Variants in EPB41L4A observed in about 807,000 individuals in gnomAD.
EPB41L4A encodes band 4.1-like protein 4A.
In EPB41L4A, 100 loss-of-function variants were observed where a neutral mutation model predicts 108.6. That is an observed-to-expected ratio of 0.92 (90% CI 0.78 to 1.09). The LOEUF is 1.09. Among genes scored for constraint, EPB41L4A ranks in the 50% least tolerant of loss-of-function variants. The pLI, the probability that EPB41L4A is intolerant of heterozygous loss-of-function variation, is 0.00. For missense variants in EPB41L4A, 1,030 were observed against 842.7 expected (o/e 1.22, Z -2.75); for synonymous variants, 319 against 289.0 (o/e 1.10, Z -1.05).
chr5:112,296,990 T>TATAC (rs753444714), intron 2 of EPB41L4A, among the ~76,000 whole-genome samples: 1 of 148,766 alleles, frequency 6.7e-6, no homozygotes, highest in Non-Finnish European at 1.5e-5. Context: ...TATACATACA[T>TATAC]ACACACACAC....
chr5:112,372,048 T>C (rs914160276), intron 1 of EPB41L4A, among the ~76,000 whole-genome samples: 2 of 151,884 alleles, frequency 1.3e-5, no homozygotes, highest in Admixed American at 1.3e-4. Flanking sequence ...AAAAAGACAA[T>C]AAAGAAGTAA....
chr5:112,415,865 A>G (rs1762684910), intron 1 of EPB41L4A, among the ~76,000 whole-genome samples: 1 of 152,192 alleles, frequency 6.6e-6, no homozygotes, highest in Non-Finnish European at 1.5e-5. Context: ...GAACTGCATG[A>G]ATAAGACTTT....
chr5:112,340,898 C>T (rs1757273737), intron 1 of EPB41L4A, among the ~76,000 whole-genome samples: 1 of 152,158 alleles, frequency 6.6e-6, no homozygotes, highest in African/African-American at 2.4e-5. Context: ...ATATACCCTT[C>T]GACCTTTCCA....
At chr5:112,206,364 TAA>T (rs796960768) in intron 13 of EPB41L4A, among the ~76,000 whole-genome samples, 5 of 141,614 alleles carry the variant, frequency 3.5e-5, no homozygotes, top group Admixed American at 7.1e-5. Flanking sequence ...GACGAGGTAT[TAA>T]AAAAAAAAAA....
intron 2 of EPB41L4A, among the ~76,000 whole-genome samples, chr5:112,285,896 C>A (rs1753248971): frequency 6.6e-6 from 1 of 152,034 alleles, no homozygotes; most frequent in Non-Finnish European, 1.5e-5. Context: ...TTATAATTAC[C>A]ATTTTATAAA....
In EPB41L4A at chr5:112,147,641, A is replaced by G. The variant is rs199570790; in HGVS notation, n.995-1643T>C. On this transcript the variant is annotated intron_variant and non_coding_transcript_variant, in intron 12 of 13. Transcript: ENST00000507810. ...CAACAGAACGAGACTCTGTCTCAAG[A>G]AAAAAAAAAAAAAGATTAGCAAATC... Among the ~76,000 whole-genome samples, 84 of 126,718 alleles carry G rather than the reference A, an allele frequency of 6.6e-4. 2 individuals carry two copies. The East Asian group carries it at 0.017, about 26-fold the overall frequency. The allele number at this position is 126,718 out of a possible 152,430, so 83.1% of individuals were successfully genotyped here.
At chr5:112,290,495 G>A (rs1753575823) in intron 2 of EPB41L4A, among the ~76,000 whole-genome samples, 1 of 152,140 alleles carries the variant, frequency 6.6e-6, no homozygotes, top group Admixed American at 6.5e-5. Flanking sequence ...CAGATTCCTT[G>A]AGAAAGTCCT....
intron 1 of EPB41L4A, among the ~76,000 whole-genome samples, chr5:112,373,616 G>C (rs1464783599): frequency 2.0e-5 from 3 of 152,184 alleles, no homozygotes; most frequent in African/African-American, 7.2e-5. Context: ...ATTTTACGAA[G>C]AGGAAACTGA....
At chr5:112,231,513 C>A (rs1002642340) in intron 12 of EPB41L4A, among the ~76,000 whole-genome samples, 1 of 151,916 alleles carries the variant, frequency 6.6e-6, no homozygotes, top group African/African-American at 2.4e-5. Flanking sequence ...TGGCCGGGCG[C>A]GGTGGCTCAC....
intron 4 of EPB41L4A, among the ~76,000 whole-genome samples, chr5:112,274,647 T>A (rs1426694481): frequency 1.3e-5 from 2 of 152,234 alleles, no homozygotes; most frequent in Non-Finnish European, 2.9e-5. Context: ...AGTTAGGGAA[T>A]ATACTTTTGT....
chr5:112,293,175 T>G (rs1280038673), intron 2 of EPB41L4A, among the ~76,000 whole-genome samples: 3 of 152,182 alleles, frequency 2.0e-5, no homozygotes, highest in African/African-American at 7.2e-5. Context: ...ATTAAGTACT[T>G]TGTACCTTTA....
upstream of EPB41L4A, chr5:112,419,516 C>G (rs371083644): frequency 7.2e-5 from 28 of 391,366 alleles, no homozygotes; most frequent in African/African-American, 5.8e-4. Context: ...GTCCTGGCGT[C>G]CGATCGGCCT....
At chr5:112,296,337 G>A (rs1753982794) in intron 2 of EPB41L4A, among the ~76,000 whole-genome samples, 1 of 151,940 alleles carries the variant, frequency 6.6e-6, no homozygotes, top group Non-Finnish European at 1.5e-5. Flanking sequence ...TGTTGACAAA[G>A]CATTTTTAAT....
At chr5:112,283,022 A>C in intron 2 of EPB41L4A, among the ~76,000 whole-genome samples, 1 of 152,226 alleles carries the variant, frequency 6.6e-6, no homozygotes, top group Non-Finnish European at 1.5e-5. Context: ...AAAACTGGTT[A>C]ATCTATCAAA....
chr5:112,153,286 G>T (rs1485395792), intron 12 of EPB41L4A, among the ~76,000 whole-genome samples: 1 of 152,032 alleles, frequency 6.6e-6, no homozygotes, highest in Non-Finnish European at 1.5e-5. Context: ...AGCACTTTGG[G>T]AGGCCAAGGC....
chr5:112,279,268 C>G (rs1752808833), intron 3 of EPB41L4A, among the ~76,000 whole-genome samples: 1 of 152,166 alleles, frequency 6.6e-6, no homozygotes, highest in East Asian at 1.9e-4. Context: ...TCCAGGTTTC[C>G]AGTTCCTTTT....
intron 2 of EPB41L4A, among the ~76,000 whole-genome samples, chr5:112,286,487 A>G (rs75476035): frequency 0.16 from 23,837 of 151,708 alleles, 2,045 homozygotes; most frequent in Middle Eastern, 0.22. Context: ...ACTTCCAACA[A>G]CTCCTTTCCC....
intron 1 of EPB41L4A, among the ~76,000 whole-genome samples, chr5:112,307,920 T>C (rs13170903): frequency 0.34 from 51,123 of 152,048 alleles, 10,706 homozygotes; most frequent in South Asian, 0.53. Context: ...ACAGAAGATA[T>C]ATAAAACTAA....
chr5:112,199,032 T>C (rs77907157), intron 15 of EPB41L4A, among the ~76,000 whole-genome samples: 7,152 of 152,200 alleles, frequency 0.047, 531 homozygotes, highest in African/African-American at 0.16. Flanking sequence ...TTAAAATGAC[T>C]GGAGCCCTTT....
Sources: allele counts gnomAD v4.1 joint callset (sites outside exome capture counted in the v4.1 genomes callset), GRCh38; gene constraint gnomAD v4.1.1; transcripts MANE v1.5; gene names NCBI Gene and HGNC (gene_info 2026-07-23, HGNC 2026-07-21).